FIGN: variants seen among roughly 807,000 people sequenced by gnomAD.
The protein encoded by FIGN is fidgetin.
A neutral mutation model predicts 51.3 loss-of-function variants in FIGN; 11 were observed. The ratio of observed to expected loss-of-function variants is 0.21; its 90% CI spans 0.13 to 0.35. The LOEUF is 0.35. Among genes scored for constraint, FIGN ranks in the 10% least tolerant of loss-of-function variants. The pLI is 1.00. For missense variants in FIGN, 857 were observed against 943.6 expected (o/e 0.91, Z 1.20); for synonymous variants, 407 against 363.2 (o/e 1.12, Z -1.37).
At chr2:163,693,345 A>G (rs1285605004) in intron 2 of FIGN, among the ~76,000 whole-genome samples, 3 of 152,138 alleles carry the variant, frequency 2.0e-5, no homozygotes, top group Non-Finnish European at 4.4e-5. Context: ...CTGAGGAGGA[A>G]CTGCAAGAGT....
intron 2 of FIGN, among the ~76,000 whole-genome samples, chr2:163,614,853 C>T (rs565316152): frequency 8.2e-4 from 124 of 152,074 alleles, no homozygotes; most frequent in Middle Eastern, 6.8e-3. Context: ...GAACCCCCCA[C>T]CTGTATTAGC....
chr2:163,623,516 T>C (rs1032892346), intron 2 of FIGN, among the ~76,000 whole-genome samples: 8 of 152,158 alleles, frequency 5.3e-5, no homozygotes, highest in African/African-American at 1.7e-4. Context: ...ACTATAGAAT[T>C]ATGTTTGTGT....
chr2:163,685,135 T>C (rs1291365445), intron 2 of FIGN, among the ~76,000 whole-genome samples: 3 of 152,114 alleles, frequency 2.0e-5, no homozygotes, highest in African/African-American at 7.2e-5. Context: ...AGAGTCATAT[T>C]TCCTATTCCA....
chr2:163,680,965 T>C (rs1490923248), intron 2 of FIGN, among the ~76,000 whole-genome samples: 1 of 152,214 alleles, frequency 6.6e-6, no homozygotes, highest in Non-Finnish European at 1.5e-5. Context: ...CCAGACACTA[T>C]GCTAAGGTAC....
intron 2 of FIGN, among the ~76,000 whole-genome samples, chr2:163,673,694 G>A (rs1000161405): frequency 1.3e-5 from 2 of 152,078 alleles, no homozygotes; most frequent in Non-Finnish European, 2.9e-5. Context: ...GGGCAGGGAC[G>A]GGGTCTGTTT....
chr2:163,708,031 T>C (rs1245219246), intron 2 of FIGN, among the ~76,000 whole-genome samples: 2 of 152,172 alleles, frequency 1.3e-5, no homozygotes, highest in African/African-American at 2.4e-5. Flanking sequence ...TTAAAAGAAG[T>C]TTCTGTGAAG....
At chr2:163,705,246 T>C (rs1292419731) in intron 2 of FIGN, among the ~76,000 whole-genome samples, 5 of 152,184 alleles carry the variant, frequency 3.3e-5, no homozygotes. Context: ...ACCACTCTCC[T>C]AGAGGGTAAG....
At chr2:163,707,841 G>A (rs1160988445) in intron 2 of FIGN, among the ~76,000 whole-genome samples, 1 of 151,984 alleles carries the variant, frequency 6.6e-6, no homozygotes, top group African/African-American at 2.4e-5. Flanking sequence ...ATATTTAACA[G>A]AGATACTACT....
intron 2 of FIGN, chr2:163,612,265 A>G (rs1456082222): frequency 1.0e-6 from 1 of 953,816 alleles, no homozygotes; most frequent in African/African-American, 1.8e-5. Flanking sequence ...TTCACATCAC[A>G]GTTTGTTTTA....
chr2:163,718,834 AGAGAGT>A (rs1255251135), intron 2 of FIGN, among the ~76,000 whole-genome samples: 5 of 129,022 alleles, frequency 3.9e-5, no homozygotes, highest in African/African-American at 1.0e-4. Context: ...TATAAGACAG[AGAGAGT>A]GAGAGAGAGA....
At chr2:163,667,697 C>T (rs1487552083) in intron 2 of FIGN, among the ~76,000 whole-genome samples, 1 of 152,172 alleles carries the variant, frequency 6.6e-6, no homozygotes, top group Non-Finnish European at 1.5e-5. Flanking sequence ...TGGGCTTCAT[C>T]CAACTCTACA....
chr2:163,652,361 A>AACACACACACAC (rs60276598), intron 2 of FIGN, among the ~76,000 whole-genome samples: 119 of 139,450 alleles, frequency 8.5e-4, no homozygotes, highest in African/African-American at 2.6e-3. Flanking sequence ...CACACACACA[A>AACACACACACAC]ACACACACAC....
chr2:163,716,828 T>C (rs576171218), intron 2 of FIGN, among the ~76,000 whole-genome samples: 15 of 152,300 alleles, frequency 9.8e-5, no homozygotes, highest in African/African-American at 2.6e-4. Context: ...CTCTCTGGAA[T>C]TCGTCAAAAT....
chr2:163,651,257 T>C (rs1224940293), intron 2 of FIGN, among the ~76,000 whole-genome samples: 1 of 152,062 alleles, frequency 6.6e-6, no homozygotes, highest in East Asian at 1.9e-4. Context: ...GATCAGGAGA[T>C]TGAGACTATC....
At position 163,686,710 on chromosome 2, in the gene FIGN, C is replaced by T. The variant is rs531309138; in HGVS notation, c.25+48193G>A. Among the ~76,000 whole-genome samples the T allele has an allele frequency of 2.6e-5, 4 of 151,832 alleles. No individual in the cohort carries two copies. In the East Asian group the frequency reaches 7.8e-4, roughly 29 times the overall value. On this transcript the variant is annotated intron_variant, in intron 2 of 2. Coordinates refer to ENST00000333129, the MANE Select transcript of FIGN (RefSeq NM_018086.4). ...ATTTACTAGGCCTGGCTCCCAGTGA[C>T]ATTTAGCTATTTTCCCAAATCATAT...
chr2:163,723,957 T>C (rs924842850), intron 2 of FIGN, among the ~76,000 whole-genome samples: 7 of 152,206 alleles, frequency 4.6e-5, no homozygotes, highest in Non-Finnish European at 1.0e-4. Context: ...TTTGGAGCTT[T>C]CTTAAGAGAA....
At chr2:163,688,805 T>G (rs1684194288) in intron 2 of FIGN, among the ~76,000 whole-genome samples, 1 of 152,144 alleles carries the variant, frequency 6.6e-6, no homozygotes, top group Admixed American at 6.6e-5. Flanking sequence ...AGATAGTTTT[T>G]GGTCATGTTT....
At chr2:163,630,378 T>C (rs1041368581) in intron 2 of FIGN, among the ~76,000 whole-genome samples, 1 of 152,100 alleles carries the variant, frequency 6.6e-6, no homozygotes, top group African/African-American at 2.4e-5. Context: ...AGGAGTCAGT[T>C]AGCACTTCTG....
intron 2 of FIGN, among the ~76,000 whole-genome samples, chr2:163,614,250 C>G (rs1007990518): frequency 3.3e-5 from 5 of 152,026 alleles, no homozygotes; most frequent in African/African-American, 1.2e-4. Context: ...CGAAACCACA[C>G]TTAAAGGGGA....
Sources: allele counts gnomAD v4.1 joint callset (sites outside exome capture counted in the v4.1 genomes callset), GRCh38; gene constraint gnomAD v4.1.1; transcripts MANE v1.5; gene names NCBI Gene and HGNC (gene_info 2026-07-23, HGNC 2026-07-21).